SH3RF1: variants seen among roughly 807,000 people sequenced by gnomAD.
SH3RF1 encodes the protein SH3 domain containing ring finger 1.
In SH3RF1, 32 loss-of-function variants were observed where a neutral mutation model predicts 74.0. The ratio of observed to expected loss-of-function variants is 0.43; its 90% CI spans 0.33 to 0.58. The LOEUF (loss-of-function observed/expected upper bound fraction) is 0.58, where lower values mean the gene tolerates loss of function less well. SH3RF1 is among the 20% of genes least tolerant of loss of function. The pLI is 0.05. For synonymous variants in SH3RF1, 396 were observed against 439.6 expected (o/e 0.90, Z 1.24); for missense variants, 954 against 1,130.9 (o/e 0.84, Z 2.24).
chr4:169,099,958 T>G (rs896800392), intron 11 of SH3RF1, among the ~76,000 whole-genome samples: 7 of 152,166 alleles, frequency 4.6e-5, no homozygotes, highest in Non-Finnish European at 8.8e-5. Context: ...ATCTTCCAGC[T>G]CAGGTCCTGA....
chr4:169,248,045 G>A (rs1332334605), intron 2 of SH3RF1, among the ~76,000 whole-genome samples: 1 of 152,232 alleles, frequency 6.6e-6, no homozygotes, highest in Non-Finnish European at 1.5e-5. Context: ...TGGTGGGACT[G>A]TAAATTAGTT....
intron 4 of SH3RF1, among the ~76,000 whole-genome samples, chr4:169,150,396 T>C (rs1194915887): frequency 1.3e-5 from 2 of 152,170 alleles, no homozygotes; most frequent in African/African-American, 2.4e-5. Context: ...TTATCATGTA[T>C]AAGATGATGT....
chr4:169,263,307 T>A (rs551485761), intron 2 of SH3RF1, among the ~76,000 whole-genome samples: 1 of 152,336 alleles, frequency 6.6e-6, no homozygotes, highest in East Asian at 1.9e-4. Context: ...CTATATCTTA[T>A]CCCACCCCCT....
intron 4 of SH3RF1, among the ~76,000 whole-genome samples, chr4:169,140,256 T>G (rs35802355): frequency 4.6e-5 from 7 of 152,168 alleles, no homozygotes; most frequent in Admixed American, 1.3e-4. Context: ...AAGAATCTGA[T>G]AGCTTTTAGT....
At chr4:169,112,396 G>C (rs1192033872) in intron 10 of SH3RF1, among the ~76,000 whole-genome samples, 1 of 152,164 alleles carries the variant, frequency 6.6e-6, no homozygotes, top group Non-Finnish European at 1.5e-5. Flanking sequence ...TGAGAACTTG[G>C]AATAAAGCAT....
chr4:169,139,305 T>A (rs1478870672), intron 4 of SH3RF1, among the ~76,000 whole-genome samples: 2 of 152,184 alleles, frequency 1.3e-5, no homozygotes, highest in African/African-American at 4.8e-5. Flanking sequence ...TGCAGAGAAA[T>A]GATCTCTGCC....
At chr4:169,248,681 GA>G (rs1731047768) in intron 2 of SH3RF1, among the ~76,000 whole-genome samples, 1 of 152,138 alleles carries the variant, frequency 6.6e-6, no homozygotes. Context: ...AAAGTAATAG[GA>G]AAAGGGGAAA....
chr4:169,235,843 GCTA>G (rs1486027938), intron 2 of SH3RF1, among the ~76,000 whole-genome samples: 2 of 152,014 alleles, frequency 1.3e-5, no homozygotes, highest in Non-Finnish European at 2.9e-5. Flanking sequence ...ACCAGGACTG[GCTA>G]CTTTTTGTGT....
Position 169,151,249 on chromosome 4 carries a change from TA to T in SH3RF1, c.765+4230del, listed in dbSNP as rs1204540515. ...AAATGGAGGGTGAGGGGTCAGCTAG[TA>T]ACTACATCAACAAATAACTGGAAAT... On this transcript the variant is annotated intron_variant, in intron 4 of 11. Transcript: ENST00000284637. 3.9e-5 allele frequency among the ~76,000 whole-genome samples: 6 copies of T among 152,244 alleles called. No individual in the cohort carries two copies. The East Asian group carries it at 1.2e-3, about 29-fold the overall frequency.
chr4:169,117,136 T>C (rs556810495), intron 9 of SH3RF1, among the ~76,000 whole-genome samples: 36 of 152,290 alleles, frequency 2.4e-4, no homozygotes, highest in African/African-American at 8.4e-4. Context: ...TAAGATCCCA[T>C]AGGGTCCAAG....
intron 2 of SH3RF1, among the ~76,000 whole-genome samples, chr4:169,177,355 T>A (rs1005524102): frequency 1.3e-5 from 2 of 152,214 alleles, no homozygotes; most frequent in African/African-American, 4.8e-5. Flanking sequence ...AGAATCTTTA[T>A]AATCACCCAC....
At chr4:169,167,699 C>T (rs550773002) in intron 2 of SH3RF1, among the ~76,000 whole-genome samples, 42 of 152,132 alleles carry the variant, frequency 2.8e-4, no homozygotes, top group African/African-American at 9.6e-4. Flanking sequence ...ACAGTAGTTG[C>T]CCATAGGAGG....
intron 6 of SH3RF1, among the ~76,000 whole-genome samples, chr4:169,124,380 A>G (rs538259151): frequency 3.9e-5 from 6 of 152,256 alleles, no homozygotes; most frequent in Non-Finnish European, 7.3e-5. Flanking sequence ...AAATTTTGTA[A>G]TAAAATATAA....
rs141876403 is a variant in SH3RF1, at chr4:169,268,469, T to C, written c.393+351A>G. 2.6e-5 allele frequency among the ~76,000 whole-genome samples: 4 copies of C among 152,340 alleles called. No individual in the cohort carries two copies. The East Asian group carries it at 7.7e-4, about 29-fold the overall frequency. On this transcript the variant is annotated intron_variant, in intron 2 of 11. Transcript: ENST00000284637. ...CATATGTACTACATACATGTAATTATGACTCTGAGCCCCATCAAAATGATA... is the reference window on the plus strand; with the variant it reads ...CATATGTACTACATACATGTAATTACGACTCTGAGCCCCATCAAAATGATA...
chr4:169,188,608 G>A (rs948218648), intron 2 of SH3RF1, among the ~76,000 whole-genome samples: 2 of 152,148 alleles, frequency 1.3e-5, no homozygotes, highest in African/African-American at 2.4e-5. Flanking sequence ...ACTTGTGATC[G>A]TTGTAATTCA....
rs908058024 is a variant in SH3RF1 at position 169,129,905 on chromosome 4, C to T, written c.1179+141G>A. 1.6e-5 allele frequency: 11 copies of T among 686,306 alleles called. No individual in the cohort carries two copies. In the Admixed American group the frequency reaches 2.0e-4, roughly 12 times the overall value. 42.5% of individuals were successfully genotyped at this position (686,306 alleles called of 1,614,324 possible). A position where few individuals can be genotyped will look rare whatever the true frequency, so the allele number is the denominator to read the frequency against. On this transcript the variant is annotated intron_variant, in intron 6 of 11. Transcript: ENST00000284637. ...CTTTCTAATGTTTTGTTAAGATTAACAGAGATAATAGATGAAAGATAGATA... is the reference window on the plus strand; with the variant it reads ...CTTTCTAATGTTTTGTTAAGATTAATAGAGATAATAGATGAAAGATAGATA...
intron 2 of SH3RF1, among the ~76,000 whole-genome samples, chr4:169,203,158 A>G (rs546940070): frequency 1.3e-5 from 2 of 152,358 alleles, no homozygotes; most frequent in South Asian, 4.1e-4. Flanking sequence ...GCTGTTATTT[A>G]GTAAGCCACA....
At chr4:169,174,102 C>G (rs1188068600) in intron 2 of SH3RF1, among the ~76,000 whole-genome samples, 1 of 152,106 alleles carries the variant, frequency 6.6e-6, no homozygotes, top group Non-Finnish European at 1.5e-5. Context: ...CTCACTCTGT[C>G]ACCCAGGCTA....
chr4:169,219,956 C>T (rs573366309), intron 2 of SH3RF1: 1 of 151,978 alleles, frequency 6.6e-6, no homozygotes, highest in East Asian at 1.9e-4. Context: ...AATCAACTTC[C>T]AGGCGATCAG....
Sources: allele counts gnomAD v4.1 joint callset (sites outside exome capture counted in the v4.1 genomes callset), GRCh38; gene constraint gnomAD v4.1.1; transcripts MANE v1.5; gene names NCBI Gene and HGNC (gene_info 2026-07-23, HGNC 2026-07-21).